The following PCDHGA2 variants were observed in gnomAD, a reference collection of about 807,000 sequenced individuals.
PCDHGA2 encodes protocadherin gamma subfamily A, 2.
In PCDHGA2, 40 loss-of-function variants were observed where a neutral mutation model predicts 59.2. The ratio of observed to expected loss-of-function variants is 0.68; its 90% confidence interval spans 0.52 to 0.88. The LOEUF is 0.88. Ranked by LOEUF, PCDHGA2 falls within the 40% of genes least tolerant of loss-of-function variation. The pLI, the probability that PCDHGA2 is intolerant of heterozygous loss-of-function variation, is 0.00. For missense variants in PCDHGA2, 1,226 were observed against 1,204.0 expected, an observed-to-expected ratio of 1.02 and a Z score of -0.27; for synonymous variants, 560 against 526.0, an observed-to-expected ratio of 1.06 and a Z score of -0.89.
intron 1 of PCDHGA2, chr5:141,360,512 T>A (rs551303336): frequency 6.2e-7 from 1 of 1,613,978 alleles, no homozygotes. Context: ...GTGCAGGATA[T>A]AAATGATAAT....
intron 1 of PCDHGA2, chr5:141,394,900 C>T (rs959646500): frequency 3.7e-6 from 6 of 1,613,748 alleles, no homozygotes; most frequent in Non-Finnish European, 3.4e-6. Context: ...CTCGTGGTGG[C>T]AGTGGCTGCC....
rs151105903 is a variant in PCDHGA2 at position 141,419,964 on chromosome 5, T to C, written c.2425-74843T>C. ...GTGGCCTTGGCCTTGATTTCTGTGC[T>C]CTTTCTCCTCGCGGTGATTCTAGCT... On this transcript the variant is annotated intron_variant, in intron 1 of 3. Transcript: ENST00000394576. 3.7e-6 allele frequency: 6 copies of C among 1,614,082 alleles called. No individual in the cohort carries two copies. Among genetic ancestry groups the C allele is most frequent in the Non-Finnish European group, 4.2e-6 (5 of 1,179,900 alleles).
At position 141,487,235 on chromosome 5, in the gene PCDHGA2, C is replaced by A. The variant is rs752316565; in HGVS notation, c.2425-7572C>A. ...TTCAGCTCCAAGGGAAGGAGAATCT[C>A]GTCTAACCCTCTACTTGGCTGTGTC... On this transcript the variant is annotated intron_variant, in intron 1 of 3. Coordinates refer to ENST00000394576, the MANE Select transcript of PCDHGA2 (RefSeq NM_018915.4). This position sits in a 1 kb window ranked among gnomAD's most constrained non-coding sequence, Gnocchi z 5.0. 11 of 1,614,126 alleles carry A rather than the reference C, an allele frequency of 6.8e-6. No homozygotes were observed. The highest frequency in any genetic ancestry group is 7.6e-6 in the Non-Finnish European group (9 of 1,179,994).
intron 1 of PCDHGA2, chr5:141,395,381 A>T (rs562557513): frequency 2.7e-6 from 3 of 1,094,770 alleles, no homozygotes; most frequent in Non-Finnish European, 3.8e-6. Flanking sequence ...TGGTGTTACT[A>T]TAAAATTGAA....
At position 141,432,554 on chromosome 5, in the gene PCDHGA2, G is replaced by A. The variant is rs757821109; in HGVS notation, c.2425-62253G>A. The A allele has an allele frequency of 9.3e-6, 15 of 1,613,832 alleles. No homozygotes were observed. Among genetic ancestry groups the A allele is most frequent in the Non-Finnish European group, 1.3e-5 (15 of 1,180,006 alleles). On this transcript the variant is annotated intron_variant, in intron 1 of 3. Coordinates refer to ENST00000394576, the MANE Select transcript of PCDHGA2 (RefSeq NM_018915.4). The surrounding 1 kb of genome is among the most constrained non-coding windows in gnomAD (Gnocchi z 6.0). ...GGTGGTGGCGGTGGACAGAGACTCCGGCCAGAACGCCTGGCTGTCCTACCG... is the reference window on the plus strand; with the variant it reads ...GGTGGTGGCGGTGGACAGAGACTCCAGCCAGAACGCCTGGCTGTCCTACCG...
In PCDHGA2 at chr5:141,371,907, G is replaced by T. The variant is rs776309698; in HGVS notation, c.2424+30512G>T. 9.3e-6 allele frequency: 15 copies of T among 1,613,262 alleles called. No individual in the cohort carries two copies. The highest frequency in any genetic ancestry group is 1.2e-5 in the Non-Finnish European group (14 of 1,179,916). On this transcript the variant is annotated intron_variant, in intron 1 of 3. Coordinates refer to ENST00000394576, the MANE Select transcript of PCDHGA2 (RefSeq NM_018915.4). ...GGAGCCGCGGGAGCTGTCGTCCTAC[G>T]TGTCCGTGAGCGCGCGGAGCGGGGT... is the stretch of plus-strand genomic sequence containing the variant.
At chr5:141,482,528 T>C (rs945815289) in intron 1 of PCDHGA2, among the ~76,000 whole-genome samples, 1 of 56,520 alleles carries the variant, frequency 1.8e-5, no homozygotes, top group Non-Finnish European at 2.8e-5. Flanking sequence ...GAGACAGACA[T>C]GCAAAAAAAA....
In PCDHGA2 at chr5:141,511,539, C is replaced by CGAGAT; in HGVS notation, c.*366_*367insGAGAT. 3.0e-6 allele frequency: 1 copy of CGAGAT among 328,342 alleles called. No individual in the cohort carries two copies. Among genetic ancestry groups the CGAGAT allele is most frequent in the South Asian group, 3.2e-5 (1 of 31,708 alleles). 20.3% of individuals were successfully genotyped at this position (328,342 alleles called of 1,614,324 possible). On this transcript the variant is annotated 3_prime_UTR_variant, in exon 4 of 4. Transcript: ENST00000394576. ...CATCCCATGCCTCCCTCCTCCCCAC[C>CGAGAT]CCACTCCAACAGTTCCTCTTTCCCG...
At chr5:141,495,102 C>A (rs1344771035) in intron 2 of PCDHGA2, among the ~76,000 whole-genome samples, 3 of 152,160 alleles carry the variant, frequency 2.0e-5, no homozygotes, top group Non-Finnish European at 4.4e-5. Flanking sequence ...CTCGCCACGA[C>A]CGGCACCTTT....
At chr5:141,449,521 G>A (rs1238503983) in intron 1 of PCDHGA2, among the ~76,000 whole-genome samples, 4 of 150,262 alleles carry the variant, frequency 2.7e-5, no homozygotes, top group African/African-American at 9.8e-5. Flanking sequence ...CCTGGGAGGC[G>A]GAGGTTGCAG....
intron 1 of PCDHGA2, chr5:141,366,029 C>A (rs766110369): frequency 6.2e-7 from 1 of 1,614,260 alleles, no homozygotes; most frequent in Non-Finnish European, 8.5e-7. Flanking sequence ...GTACCCCGCC[C>A]TCCCCACAGA....
intron 1 of PCDHGA2, chr5:141,352,819 G>T (rs1164186338): frequency 2.5e-6 from 2 of 810,682 alleles, no homozygotes. Flanking sequence ...GTAAAACCCG[G>T]TCTACTAAAA....
chr5:141,472,980 C>CAAAAAAAAAAAAAAAAAGAAAAAAAAA (rs2099309731), intron 1 of PCDHGA2, among the ~76,000 whole-genome samples: 1 of 86,106 alleles, frequency 1.2e-5, no homozygotes, highest in Non-Finnish European at 2.5e-5. Flanking sequence ...GAGTGAAACT[C>CAAAAAAAAAAAAAAAAAGAAAAAAAAA]AAAAAAAAAA....
At chr5:141,495,065 T>C (rs1413025171) in intron 2 of PCDHGA2, among the ~76,000 whole-genome samples, 200 bp downstream of exon 2, 1 of 152,148 alleles carries the variant, frequency 6.6e-6, no homozygotes, top group Admixed American at 6.5e-5. Flanking sequence ...TTCAGGAAGC[T>C]CAATTCACAT....
chr5:141,464,911 T>G (rs2099093002), intron 1 of PCDHGA2, among the ~76,000 whole-genome samples: 1 of 151,718 alleles, frequency 6.6e-6, no homozygotes, highest in Non-Finnish European at 1.5e-5. Context: ...GCTAATTTTT[T>G]TATTTTTTTG....
intron 1 of PCDHGA2, chr5:141,366,384 A>T (rs773208585): frequency 1.2e-6 from 2 of 1,614,124 alleles, no homozygotes; most frequent in Admixed American, 3.3e-5. Context: ...ATTGACCCTG[A>T]GGATCTGGAC....
At chr5:141,357,607 G>T in intron 1 of PCDHGA2, 2 of 1,613,950 alleles carry the variant, frequency 1.2e-6, no homozygotes, top group Non-Finnish European at 1.7e-6. Context: ...AACAAAAGGA[G>T]ACCCTAATCT....
intron 1 of PCDHGA2, among the ~76,000 whole-genome samples, chr5:141,469,102 A>G (rs1423904196): frequency 6.6e-6 from 1 of 151,626 alleles, no homozygotes; most frequent in East Asian, 1.9e-4. Flanking sequence ...CAAAGCAAGA[A>G]CCTGTCTCTA....
chr5:141,501,331 A>T (rs1024837974), intron 2 of PCDHGA2, among the ~76,000 whole-genome samples: 2 of 138,846 alleles, frequency 1.4e-5, no homozygotes, highest in Non-Finnish European at 1.6e-5. Flanking sequence ...ACACACACAC[A>T]CACCCCAAAC....
Sources: gnomAD v4.1 joint callset for allele counts (sites outside exome capture counted in the v4.1 genomes callset) on GRCh38, gnomAD v4.1.1 for gene constraint, Gnocchi (gnomAD v3.1) non-coding constraint, MANE v1.5 for transcripts, NCBI Gene and HGNC (gene_info 2026-07-23, HGNC 2026-07-21) for gene names.